FYB1: variants seen among roughly 807,000 people sequenced by gnomAD.
FYB1 encodes FYN-binding protein 1.
Under a neutral mutation model 94.1 loss-of-function variants are expected in FYB1, and 41 were observed. That is an observed-to-expected ratio of 0.44 (90% CI 0.34 to 0.57). FYB1 has a LOEUF of 0.57. FYB1 is among the 20% of genes least tolerant of loss of function. FYB1 has a pLI of 0.02. For synonymous variants in FYB1, 367 were observed against 353.2 expected (o/e 1.04, Z -0.44); for missense variants, 1,050 against 976.8 (o/e 1.07, Z -1.00).
At chr5:39,148,155 T>TTATATATA (rs10528848) in intron 3 of FYB1, among the ~76,000 whole-genome samples, 120 of 37,532 alleles carry the variant, frequency 3.2e-3, no homozygotes, top group Non-Finnish European at 3.9e-3. Flanking sequence ...TATGTATTTT[T>TTATATATA]TATATATATA....
chr5:39,119,297 C>T (rs1231141922), intron 15 of FYB1, among the ~76,000 whole-genome samples: 2 of 151,960 alleles, frequency 1.3e-5, no homozygotes, highest in African/African-American at 4.8e-5. Context: ...AGTGTGAATA[C>T]TGTGCATATT....
At chr5:39,242,601 T>C (rs1751264676) in intron 1 of FYB1, among the ~76,000 whole-genome samples, 2 of 152,074 alleles carry the variant, frequency 1.3e-5, no homozygotes, top group African/African-American at 2.4e-5. Context: ...AATAAACATA[T>C]GTGTGCATGT....
intron 1 of FYB1, among the ~76,000 whole-genome samples, chr5:39,246,029 C>A (rs768664118): frequency 1.3e-5 from 2 of 152,184 alleles, no homozygotes; most frequent in Non-Finnish European, 2.9e-5. Flanking sequence ...AATTTTGCAG[C>A]AACTCTGTTG....
intron 2 of FYB1, among the ~76,000 whole-genome samples, chr5:39,159,478 C>T (rs1014624038): frequency 6.6e-6 from 1 of 152,196 alleles, no homozygotes; most frequent in Non-Finnish European, 1.5e-5. Flanking sequence ...CACAGAATTT[C>T]TCAGGACTGA....
In FYB1 at chr5:39,251,838, AT is replaced by A. The variant is rs200168327; in HGVS notation, c.-28+22564del. On this transcript the variant is annotated intron_variant, in intron 1 of 1. Transcript: ENST00000510188. Reference sequence around the variant, plus strand: ...GTAAAGTAGTAATTTAAAAGGTATGATAAAGGTACAAAAATAAAATATAGGG... The same window carrying A: ...GTAAAGTAGTAATTTAAAAGGTATGAAAAGGTACAAAAATAAAATATAGGG... Among the ~76,000 whole-genome samples, 142 of 152,290 alleles carry A rather than the reference AT, an allele frequency of 9.3e-4. 1 individual carries two copies. The highest frequency in any genetic ancestry group is 3.3e-3 in the African/African-American group (137 of 41,560).
intron 1 of FYB1, chr5:39,270,924 A>ATG (rs1491107909): frequency 8.8e-5 from 11 of 125,142 alleles, no homozygotes; most frequent in South Asian, 2.8e-4. Context: ...TTTTGGATAC[A>ATG]TATGTGTGTG....
At chr5:39,152,624 T>C (rs1269268764) in intron 3 of FYB1, among the ~76,000 whole-genome samples, 1 of 152,228 alleles carries the variant, frequency 6.6e-6, no homozygotes, top group African/African-American at 2.4e-5. Context: ...TAAAATGACA[T>C]TCCATTTTAT....
intron 1 of FYB1, among the ~76,000 whole-genome samples, chr5:39,243,687 G>C (rs1007332347): frequency 2.1e-4 from 32 of 152,172 alleles, no homozygotes; most frequent in Non-Finnish European, 3.4e-4. Context: ...GAAAGTCATT[G>C]GTAGCTGGAT....
intron 9 of FYB1, 37 bp downstream of exon 9, chr5:39,134,171 C>T: frequency 6.7e-7 from 1 of 1,489,036 alleles, no homozygotes; most frequent in Non-Finnish European, 9.1e-7. Flanking sequence ...GACAAGGAGA[C>T]AGTTTGATCT....
intron 15 of FYB1, among the ~76,000 whole-genome samples, 167 bp downstream of exon 15, chr5:39,119,368 A>T (rs1039282224): frequency 2.0e-5 from 3 of 152,242 alleles, no homozygotes; most frequent in Admixed American, 6.5e-5. Flanking sequence ...TGTTCAAAAT[A>T]AAAGAGTTAT....
chr5:39,226,207 T>C (rs1286970450), intron 1 of FYB1, among the ~76,000 whole-genome samples: 1 of 152,196 alleles, frequency 6.6e-6, no homozygotes, highest in Admixed American at 6.5e-5. Context: ...GTCTCCCAAG[T>C]GTTGTTTGAA....
At chr5:39,212,584 T>C (rs1749494976) in intron 1 of FYB1, 1 of 152,224 alleles carries the variant, frequency 6.6e-6, no homozygotes, top group South Asian at 2.1e-4. Context: ...GTAATCAGGA[T>C]TAAACAATAT....
intron 1 of FYB1, among the ~76,000 whole-genome samples, chr5:39,204,305 C>T (rs1249082274): frequency 1.3e-5 from 2 of 152,066 alleles, no homozygotes; most frequent in East Asian, 1.9e-4. Context: ...TACAGTAGTT[C>T]TAAAAGAATG....
At chr5:39,272,183 C>T (rs902560134) in intron 1 of FYB1, among the ~76,000 whole-genome samples, 1 of 152,134 alleles carries the variant, frequency 6.6e-6, no homozygotes, top group African/African-American at 2.4e-5. Flanking sequence ...TATTTCAAAG[C>T]TCACCATGTG....
At chr5:39,123,582 G>A (rs140525959) in intron 13 of FYB1, among the ~76,000 whole-genome samples, 3 of 152,158 alleles carry the variant, frequency 2.0e-5, no homozygotes, top group Non-Finnish European at 4.4e-5. Context: ...ATTGATAACT[G>A]AAAAGAAAGT....
chr5:39,167,766 T>G (rs1348266339), intron 2 of FYB1, among the ~76,000 whole-genome samples: 2 of 152,252 alleles, frequency 1.3e-5, no homozygotes, highest in Non-Finnish European at 2.9e-5. Flanking sequence ...TATTTTCCTG[T>G]AGGATCTGCC....
At chr5:39,126,238 A>G in intron 11 of FYB1, 103 bp from the exon 12 acceptor site, 1 of 1,239,736 alleles carries the variant, frequency 8.1e-7, no homozygotes, top group East Asian at 2.5e-5. Context: ...TTACGGCCAC[A>G]TTAATCATTC....
rs952837815 is a variant in FYB1 at position 39,186,706 on chromosome 5, T to C, written c.1135+15120A>G. 3.4e-5 allele frequency among the ~76,000 whole-genome samples: 5 copies of C among 148,990 alleles called. 1 individual carries two copies. In the South Asian group the frequency reaches 8.7e-4, roughly 26 times the overall value. ...GAGGCAGCAGCTGATAGCTATCATC[T>C]ATTATTCATCTATTTCCATTGGGTC... On this transcript the variant is annotated intron_variant, in intron 2 of 18. Transcript: ENST00000512982.
intron 2 of FYB1, among the ~76,000 whole-genome samples, chr5:39,160,550 A>G (rs1744151668): frequency 6.6e-6 from 1 of 152,228 alleles, no homozygotes; most frequent in Admixed American, 6.5e-5. Context: ...GAGGATTTGA[A>G]AGACTGGCAG....
Sources: allele counts gnomAD v4.1 joint callset (sites outside exome capture counted in the v4.1 genomes callset), GRCh38; gene constraint gnomAD v4.1.1; transcripts MANE v1.5; gene names NCBI Gene and HGNC (gene_info 2026-07-23, HGNC 2026-07-21).